Variants in MYO1B observed in about 807,000 individuals in gnomAD.
MYO1B encodes the protein unconventional myosin-Ib.
Under a neutral mutation model 159.7 loss-of-function variants are expected in MYO1B, and 72 were observed. That is an observed-to-expected ratio of 0.45 (90% CI 0.37 to 0.55). The LOEUF (loss-of-function observed/expected upper bound fraction) is 0.55. MYO1B is among the 20% of genes least tolerant of loss of function. The pLI, the probability that MYO1B is intolerant of heterozygous loss-of-function variation, is 0.00. For missense variants in MYO1B, 1,062 were observed against 1,364.8 expected, an observed-to-expected ratio of 0.78 and a Z score of 3.50; for synonymous variants, 468 against 473.8, an observed-to-expected ratio of 0.99 and a Z score of 0.16.
At chr2:191,246,804 ATG>A (rs1406758257) in intron 1 of MYO1B, among the ~76,000 whole-genome samples, 1 of 152,232 alleles carries the variant, frequency 6.6e-6, no homozygotes, top group Admixed American at 6.5e-5. Flanking sequence ...GAATCAGACT[ATG>A]TAACACAATT....
chr2:191,402,980 C>G (rs942160118), intron 24 of MYO1B, among the ~76,000 whole-genome samples: 1 of 152,024 alleles, frequency 6.6e-6, no homozygotes, highest in Non-Finnish European at 1.5e-5. Context: ...TATCAAAGTT[C>G]TAGTTTGTTA....
At chr2:191,361,868 C>T (rs977544930) in intron 8 of MYO1B, among the ~76,000 whole-genome samples, 3 of 152,088 alleles carry the variant, frequency 2.0e-5, no homozygotes, top group Admixed American at 6.6e-5. Flanking sequence ...ACATTTATCA[C>T]TGCTCTATAT....
chr2:191,312,435 A>G (rs1013259141), intron 3 of MYO1B, among the ~76,000 whole-genome samples: 9 of 152,254 alleles, frequency 5.9e-5, no homozygotes, highest in Non-Finnish European at 1.2e-4. Flanking sequence ...TGGTGGTCCA[A>G]ACACATATGG....
intron 13 of MYO1B, chr2:191,381,153 C>A: frequency 2.6e-6 from 1 of 382,314 alleles, no homozygotes; most frequent in Non-Finnish European, 5.0e-6. Context: ...TGTGTCTTTG[C>A]TGATCCTTCA....
At chr2:191,250,015 C>T (rs1166980177) in intron 1 of MYO1B, among the ~76,000 whole-genome samples, 1 of 152,214 alleles carries the variant, frequency 6.6e-6, no homozygotes, top group Non-Finnish European at 1.5e-5. Context: ...GCCTCTTCCT[C>T]ATCAGTTCAT....
intron 1 of MYO1B, chr2:191,247,900 A>G (rs754796738): frequency 3.0e-5 from 29 of 982,154 alleles, no homozygotes; most frequent in Non-Finnish European, 3.4e-5. Flanking sequence ...CCCAGGATGA[A>G]TCATCACTTT....
intron 6 of MYO1B, among the ~76,000 whole-genome samples, chr2:191,349,463 G>T (rs1022418636): frequency 6.6e-6 from 1 of 152,142 alleles, no homozygotes; most frequent in Non-Finnish European, 1.5e-5. Context: ...ACAAGAAACA[G>T]CTGTCACAGT....
intron 1 of MYO1B, among the ~76,000 whole-genome samples, chr2:191,267,457 G>A (rs554606018): frequency 6.6e-6 from 1 of 152,152 alleles, no homozygotes; most frequent in Non-Finnish European, 1.5e-5. Context: ...GAGGTGAGGG[G>A]TTTCTCAATA....
At chr2:191,247,023 C>G (rs1235381723) in intron 1 of MYO1B, among the ~76,000 whole-genome samples, 1 of 152,136 alleles carries the variant, frequency 6.6e-6, no homozygotes. Context: ...AAAGGATTGG[C>G]TGACCTAGGG....
At chr2:191,399,440 A>G (rs13401218) in intron 21 of MYO1B, among the ~76,000 whole-genome samples, 7,995 of 152,304 alleles carry the variant, frequency 0.052, 712 homozygotes, top group African/African-American at 0.18. Flanking sequence ...GTAGCACTAC[A>G]GTGGTAGAGT....
At chr2:191,249,657 C>G (rs970904867) in intron 1 of MYO1B, among the ~76,000 whole-genome samples, 1 of 152,154 alleles carries the variant, frequency 6.6e-6, no homozygotes, top group Non-Finnish European at 1.5e-5. Flanking sequence ...CAGAATGCTC[C>G]TGGGCAAATG....
chr2:191,256,260 C>T (rs943802385), intron 1 of MYO1B, among the ~76,000 whole-genome samples: 12 of 152,154 alleles, frequency 7.9e-5, no homozygotes, highest in Admixed American at 2.0e-4. Flanking sequence ...TTAGTAGCCC[C>T]CGGACCCTGG....
At chr2:191,339,698 C>T (rs776378339) in intron 4 of MYO1B, among the ~76,000 whole-genome samples, 21 of 152,194 alleles carry the variant, frequency 1.4e-4, no homozygotes, top group Non-Finnish European at 2.6e-4. Context: ...TAGTTCTGTG[C>T]TCCATGAGAT....
At chr2:191,283,467 T>G (rs557489268) in intron 2 of MYO1B, among the ~76,000 whole-genome samples, 15 of 152,332 alleles carry the variant, frequency 9.8e-5, no homozygotes, top group African/African-American at 3.1e-4. Context: ...GACTGTTTTC[T>G]TATTGGTTGG....
chr2:191,416,700 G>C (rs572434360), intron 30 of MYO1B, among the ~76,000 whole-genome samples: 1 of 152,112 alleles, frequency 6.6e-6, no homozygotes, highest in East Asian at 1.9e-4. Flanking sequence ...TGTAATCCCA[G>C]CTACTCAAGA....
Position 191,370,427 on chromosome 2 carries a change from A to G in MYO1B, c.1185+135A>G, listed in dbSNP as rs1023173205. ...AATCCTTGTGTAGATGTAACACACT[A>G]TCACTTTGAATCTGCCAACAAATCT... On this transcript the variant is annotated intron_variant, in intron 13 of 30. Transcript: ENST00000392318. 5.4e-5 allele frequency: 35 copies of G among 648,380 alleles called. No homozygotes were observed. The South Asian group carries it at 6.2e-4, about 12-fold the overall frequency. 40.2% of individuals were successfully genotyped at this position (648,380 alleles called of 1,614,324 possible).
At chr2:191,364,124 T>A in intron 10 of MYO1B, 34 bp from the exon 11 acceptor site, 1 of 1,531,072 alleles carries the variant, frequency 6.5e-7, no homozygotes, top group Non-Finnish European at 9.1e-7. Flanking sequence ...ACGTGTACAG[T>A]CACTTTTTGT....
intron 2 of MYO1B, among the ~76,000 whole-genome samples, chr2:191,291,070 T>C (rs1244406335): frequency 6.6e-6 from 1 of 152,170 alleles, no homozygotes; most frequent in Non-Finnish European, 1.5e-5. Context: ...TCTCTGAGGA[T>C]TGGAGTTCTG....
Position 191,424,362 on chromosome 2 carries a change from G to T in MYO1B, c.*402G>T, listed in dbSNP as rs776212924. ...TCTATGCTAGGCACTGTGCTAGATG[G>T]TATGAAAACTTATTAGGAACCTTTT... is the stretch of plus-strand genomic sequence containing the variant. On this transcript the variant is annotated 3_prime_UTR_variant, in exon 31 of 31. Coordinates refer to ENST00000392318, the MANE Select transcript of MYO1B (RefSeq NM_001130158.3). The T allele has an allele frequency of 2.2e-4, 34 of 157,740 alleles. No homozygotes were observed. The highest frequency in any genetic ancestry group is 4.5e-4 in the Admixed American group (7 of 15,668). 9.8% of individuals were successfully genotyped at this position (157,740 alleles called of 1,614,324 possible). A position where few individuals can be genotyped will look rare whatever the true frequency, so the allele number is the denominator to read the frequency against.
Sources: allele counts gnomAD v4.1 joint callset (sites outside exome capture counted in the v4.1 genomes callset), GRCh38; gene constraint gnomAD v4.1.1; transcripts MANE v1.5; gene names NCBI Gene and HGNC (gene_info 2026-07-23, HGNC 2026-07-21).